Variants in PITRM1 observed in about 807,000 individuals in gnomAD.
PITRM1 encodes presequence protease, mitochondrial.
PITRM1 carries 100 observed loss-of-function variants against 129.9 expected under a neutral mutation model. The ratio of observed to expected loss-of-function variants is 0.77; its 90% CI spans 0.65 to 0.91. PITRM1 has a LOEUF of 0.91. Among genes scored for constraint, PITRM1 ranks in the 40% least tolerant of loss-of-function variants. PITRM1 has a pLI of 0.00. For missense variants in PITRM1, 1,471 were observed against 1,318.3 expected, an observed-to-expected ratio of 1.12 and a Z score of -1.79; for synonymous variants, 591 against 508.8, an observed-to-expected ratio of 1.16 and a Z score of -2.17.
At chr10:3,172,392 T>G (rs1219149060) in intron 1 of PITRM1, among the ~76,000 whole-genome samples, 1 of 152,182 alleles carries the variant, frequency 6.6e-6, no homozygotes, top group African/African-American at 2.4e-5. Context: ...GGAGCAAAGC[T>G]GTCAGCGAGA....
chr10:3,160,012 G>A (rs146039352), intron 8 of PITRM1, 76 bp from the exon 9 acceptor site: 70 of 1,244,684 alleles, frequency 5.6e-5, no homozygotes, highest in African/African-American at 5.1e-4. Flanking sequence ...CTGGATACAC[G>A]AAATGGAGCG....
chr10:3,142,394 TC>T (rs896375131), intron 23 of PITRM1, among the ~76,000 whole-genome samples: 2 of 152,078 alleles, frequency 1.3e-5, no homozygotes, highest in African/African-American at 4.8e-5. Context: ...AAGCCTGCCT[TC>T]CCCCTCTCTA....
intron 22 of PITRM1, 48 bp from the exon 23 acceptor site, chr10:3,143,549 C>T (rs760578630): frequency 1.1e-5 from 14 of 1,307,188 alleles, no homozygotes; most frequent in African/African-American, 4.3e-5. Context: ...CATGCACCGC[C>T]CACGGCACTG....
Position 3,145,608 on chromosome 10 carries a change from T to C in PITRM1, c.2445A>G (p.Pro815=). The change falls in exon 21 of 27, where the codon CCA becomes CCG. Residue 815 remains proline, a synonymous_variant. Transcript: ENST00000224949. ...RSKKERRPVR[P]HTVEKPVPSS... ...CACCAGTGCATACCTCGACCGTGTG[T>C]GGGCGCACAGGCCTCCGTTCCTTTT... 1 of 1,549,908 alleles carries C rather than the reference T, an allele frequency of 6.5e-7. No homozygotes were observed. Among genetic ancestry groups the C allele is most frequent in the Non-Finnish European group, 8.7e-7 (1 of 1,146,944 alleles).
chr10:3,170,603 C>G (rs9423712), intron 1 of PITRM1, among the ~76,000 whole-genome samples: 102,225 of 152,050 alleles, frequency 0.67, 34,597 homozygotes, highest in Non-Finnish European at 0.72. Flanking sequence ...TACCGAATTG[C>G]TGAAAACTTA....
In PITRM1 at chr10:3,172,711, TCTCACCCGCCG is replaced by T. The variant is rs916422480; in HGVS notation, c.51_56+5del. 13 of 1,538,082 alleles carry T rather than the reference TCTCACCCGCCG, an allele frequency of 8.5e-6. No individual in the cohort carries two copies. The highest frequency in any genetic ancestry group is 5.5e-5 in the African/African-American group (4 of 72,082). Reference sequence around the variant, plus strand: ...GCGCCGAGCGCCTCCCGTCGCAGCGTCTCACCCGCCGCTCAGCCGCCTCAGCACACACAGGC... The same window carrying T: ...GCGCCGAGCGCCTCCCGTCGCAGCGTCTCAGCCGCCTCAGCACACACAGGC... On this transcript the variant is annotated splice_donor_variant and splice_donor_5th_base_variant and coding_sequence_variant and intron_variant, in exon 1 of 27. Coordinates refer to ENST00000224949, the MANE Select transcript of PITRM1 (RefSeq NM_014889.4). LOFTEE classifies it high-confidence loss of function.
intron 25 of PITRM1, 42 bp downstream of exon 25, chr10:3,138,862 T>C (rs1839890132): frequency 2.5e-6 from 4 of 1,602,982 alleles, no homozygotes; most frequent in Non-Finnish European, 3.4e-6. Context: ...ACGTCATCTG[T>C]GAGGCTGTGG....
chr10:3,158,234 A>G, intron 10 of PITRM1, 81 bp from the exon 11 acceptor site: 1 of 795,818 alleles, frequency 1.3e-6, no homozygotes, highest in African/African-American at 1.7e-5. Flanking sequence ...TTTAAAGATC[A>G]GAACGAAGCG....
chr10:3,146,097 G>T, intron 20 of PITRM1: 1 of 187,896 alleles, frequency 5.3e-6, no homozygotes, highest in Admixed American at 5.5e-5. Flanking sequence ...TTGAAAATGT[G>T]AACTGGTTGT....
chr10:3,141,582 G>T (rs1333343580), intron 23 of PITRM1: 1 of 430,610 alleles, frequency 2.3e-6, no homozygotes, highest in Non-Finnish European at 4.9e-6. Flanking sequence ...ACTGTGAACG[G>T]TAACATCACA....
intron 10 of PITRM1, 120 bp downstream of exon 10, chr10:3,158,794 A>T: frequency 1.0e-6 from 1 of 984,510 alleles, no homozygotes. Context: ...TATAGCAATC[A>T]AAAATCCAAA....
rs1017798932 is a variant in PITRM1, at chr10:3,137,870, C to T, written c.*161G>A. On this transcript the variant is annotated 3_prime_UTR_variant, in exon 27 of 27. Transcript: ENST00000224949. ...TTATTTCAATGAACCTCTTCCTGGT[C>T]ACTCTTAAGATAGATCTGAGTTTTT... 2 of 593,268 alleles carry T rather than the reference C, an allele frequency of 3.4e-6. No individual in the cohort carries two copies. The highest frequency in any genetic ancestry group is 2.8e-5 in the East Asian group (1 of 35,638). 36.8% of individuals were successfully genotyped at this position (593,268 alleles called of 1,614,324 possible). A position where few individuals can be genotyped will look rare whatever the true frequency, so the allele number is the denominator to read the frequency against.
At chr10:3,168,946 AC>A (rs1843114343) in intron 2 of PITRM1, among the ~76,000 whole-genome samples, 4 of 69,078 alleles carry the variant, frequency 5.8e-5, no homozygotes, top group Non-Finnish European at 1.3e-4. Flanking sequence ...ACACACACAC[AC>A]ACACACACAC....
At chr10:3,145,244 T>C (rs1840729878) in intron 21 of PITRM1, 2 of 239,936 alleles carry the variant, frequency 8.3e-6, no homozygotes, top group East Asian at 1.9e-4. Flanking sequence ...GTCAAATCCA[T>C]GGATTCATGA....
At chr10:3,155,316 A>T (rs556229847) in intron 14 of PITRM1, among the ~76,000 whole-genome samples, 34 of 152,372 alleles carry the variant, frequency 2.2e-4, no homozygotes, top group Non-Finnish European at 4.1e-4. Flanking sequence ...TGGTACTGGC[A>T]TATTACGGCA....
intron 24 of PITRM1, among the ~76,000 whole-genome samples, chr10:3,140,130 A>G (rs948589293): frequency 2.0e-5 from 3 of 152,222 alleles, no homozygotes; most frequent in African/African-American, 7.2e-5. Context: ...GATATTAACA[A>G]AATACAACAA....
intron 1 of PITRM1, chr10:3,172,068 A>T: frequency 2.6e-6 from 1 of 378,442 alleles, no homozygotes; most frequent in Non-Finnish European, 5.3e-6. Context: ...AAGCGTTTTA[A>T]GAAGTTACTT....
chr10:3,164,054 T>C lies in PITRM1; in HGVS notation c.631-169A>G, dbSNP rs534829424. 3 of 396,518 alleles carry C rather than the reference T, an allele frequency of 7.6e-6. No homozygotes were observed. In the South Asian group the frequency reaches 1.2e-4, roughly 15 times the overall value. The allele number at this position is 396,518 out of a possible 1,614,324, so 24.6% of individuals were successfully genotyped here. A position where few individuals can be genotyped will look rare whatever the true frequency, so the allele number is the denominator to read the frequency against. On this transcript the variant is annotated intron_variant, in intron 6 of 26. Coordinates refer to ENST00000224949, the MANE Select transcript of PITRM1 (RefSeq NM_014889.4). ...AAAAAAAAAAACACCCACGCAGGCA[T>C]TGTTTAACACGGTATTCAATCATTC... is the stretch of plus-strand genomic sequence containing the variant.
At position 3,165,347 on chromosome 10, in the gene PITRM1, C is replaced by A. The variant is rs760522451; in HGVS notation, c.534-13G>T. 12 of 1,595,020 alleles carry A rather than the reference C, an allele frequency of 7.5e-6. No individual in the cohort carries two copies. The African/African-American group carries it at 1.2e-4, about 16-fold the overall frequency. ...CCATCCTTCCTGCCTGAGGACAAAT[C>A]ATTATAAGCTGATAGTGACTCAAAT... is the stretch of plus-strand genomic sequence containing the variant. On this transcript the variant is annotated splice_polypyrimidine_tract_variant and intron_variant, in intron 5 of 26. Coordinates refer to ENST00000224949, the MANE Select transcript of PITRM1 (RefSeq NM_014889.4).
Sources: allele counts gnomAD v4.1 joint callset (sites outside exome capture counted in the v4.1 genomes callset), GRCh38; gene constraint gnomAD v4.1.1; transcripts MANE v1.5; gene names NCBI Gene and HGNC (gene_info 2026-07-23, HGNC 2026-07-21).